The following SP140 variants were observed in gnomAD, a reference collection of about 807,000 sequenced individuals.
The protein encoded by SP140 is nuclear body protein SP140.
A neutral mutation model predicts 125.0 loss-of-function variants in SP140; 81 were observed. The observed-to-expected ratio is 0.65, with a 90% CI of 0.54 to 0.78. SP140 has a LOEUF of 0.78. Ranked by LOEUF, SP140 falls within the 30% of genes least tolerant of loss-of-function variation. SP140 has a pLI of 0.00. For missense variants in SP140, 858 were observed against 1,037.0 expected (o/e 0.83, Z 2.37); for synonymous variants, 312 against 354.0 (o/e 0.88, Z 1.33).
In SP140 at chr2:230,216,802, G is replaced by A. The variant is rs139246977; in HGVS notation, c.-91+2728G>A. The A allele has an allele frequency of 8.1e-6, 13 of 1,613,942 alleles. No individual in the cohort carries two copies. In the African/African-American group the frequency reaches 1.5e-4, roughly 18 times the overall value. On this transcript the variant is annotated intron_variant, in intron 3 of 4. Coordinates refer to the SP140 transcript ENST00000456542. ...TCACCATGTACATTCTCTTAGTGAT[G>A]ATGGAGTTGTCTAGGAGGCCTTCAA...
intron 12 of SP140, among the ~76,000 whole-genome samples, chr2:230,261,452 CTT>C (rs2052219799): frequency 6.6e-6 from 1 of 152,104 alleles, no homozygotes; most frequent in Non-Finnish European, 1.5e-5. Flanking sequence ...ATTTCTTTCT[CTT>C]GTCTGATTGC....
At chr2:230,290,407 G>T in intron 18 of SP140, 53 bp from the exon 19 acceptor site, 3 of 1,500,744 alleles carry the variant, frequency 2.0e-6, no homozygotes, top group Non-Finnish European at 2.8e-6. Context: ...TCAGTAGGGA[G>T]GGGGGACGTG....
chr2:230,243,677 A>T, intron 4 of SP140, 54 bp from the exon 5 acceptor site: 7 of 1,370,142 alleles, frequency 5.1e-6, no homozygotes, highest in Non-Finnish European at 7.2e-6. Context: ...TCTTGTTTTG[A>T]TGGCTTTTTG....
chr2:230,215,665 G>C (rs1300019692), intron 3 of SP140, among the ~76,000 whole-genome samples: 1 of 152,214 alleles, frequency 6.6e-6, no homozygotes, highest in Non-Finnish European at 1.5e-5. Context: ...AGAGAGAACT[G>C]ATTGCAAATA....
At chr2:230,309,844 A>T in intron 22 of SP140, 80 bp from the exon 23 acceptor site, 1 of 1,406,076 alleles carries the variant, frequency 7.1e-7, no homozygotes, top group Non-Finnish European at 1.0e-6. Flanking sequence ...ACACAAAGGC[A>T]GTGTGTTCTA....
intron 15 of SP140, among the ~76,000 whole-genome samples, chr2:230,274,203 T>C (rs2054372297): frequency 6.6e-6 from 1 of 151,908 alleles, no homozygotes; most frequent in African/African-American, 2.4e-5. Flanking sequence ...CCCCATGATA[T>C]ATGCAGGAGA....
At chr2:230,270,777 G>A (rs746809646) in intron 15 of SP140, 138 bp downstream of exon 15, 15 of 800,356 alleles carry the variant, frequency 1.9e-5, no homozygotes, top group Admixed American at 4.1e-5. Flanking sequence ...TCCCTAAGAT[G>A]TCTACCTCCT....
At chr2:230,230,310 C>T (rs988417453) in intron 1 of SP140, 2 of 152,154 alleles carry the variant, frequency 1.3e-5, no homozygotes, top group Non-Finnish European at 2.9e-5. Context: ...GACCTGGTTA[C>T]CAATCCTGTG....
At chr2:230,263,371 C>G (rs181141875) in intron 12 of SP140, among the ~76,000 whole-genome samples, 3 of 152,192 alleles carry the variant, frequency 2.0e-5, no homozygotes, top group Admixed American at 2.0e-4. Flanking sequence ...AGGTGAGTCT[C>G]CTGAAGGCAG....
chr2:230,295,282 A>T lies in SP140; in HGVS notation c.2016+964A>T, dbSNP rs183261057. Among the ~76,000 whole-genome samples the T allele has an allele frequency of 1.2e-3, 179 of 152,326 alleles. 2 individuals are homozygous for T. Among genetic ancestry groups the T allele is most frequent in the African/African-American group, 4.0e-3 (167 of 41,580 alleles). On this transcript the variant is annotated intron_variant, in intron 21 of 26. Coordinates refer to ENST00000392045, the MANE Select transcript of SP140 (RefSeq NM_007237.5). ...CACATAGCTAGCCACTAAGCTTCAT[A>T]TTCCACTGGGAACCTGAGATGCAGG...
intron 1 of SP140, among the ~76,000 whole-genome samples, chr2:230,231,520 C>G (rs2047241453): frequency 6.6e-6 from 1 of 152,152 alleles, no homozygotes; most frequent in African/African-American, 2.4e-5. Flanking sequence ...TCTGAGAACT[C>G]CTTTTTAAAT....
intron 17 of SP140, among the ~76,000 whole-genome samples, chr2:230,287,416 T>C (rs2056524375): frequency 6.6e-6 from 1 of 152,344 alleles, no homozygotes; most frequent in Non-Finnish European, 1.5e-5. Context: ...TGAGAGAAAC[T>C]GAAACGCCTT....
intron 1 of SP140, chr2:230,212,580 T>C: frequency 9.4e-7 from 1 of 1,068,842 alleles, no homozygotes; most frequent in Non-Finnish European, 1.5e-6. Flanking sequence ...TGTTCTGGAC[T>C]CTAGGTCTTA....
chr2:230,204,455 A>G (rs2043534259), intron 1 of SP140, among the ~76,000 whole-genome samples: 1 of 151,526 alleles, frequency 6.6e-6, no homozygotes, highest in African/African-American at 2.4e-5. Context: ...TGTATTGGAA[A>G]TTTCCCTCCA....
chr2:230,274,874 A>G (rs2054485901), intron 15 of SP140, among the ~76,000 whole-genome samples: 1 of 152,172 alleles, frequency 6.6e-6, no homozygotes, highest in Non-Finnish European at 1.5e-5. Context: ...ATATATCTAA[A>G]TGAATACATT....
At chr2:230,275,519 A>G (rs1055321443) in intron 15 of SP140, among the ~76,000 whole-genome samples, 1 of 152,126 alleles carries the variant, frequency 6.6e-6, no homozygotes, top group Non-Finnish European at 1.5e-5. Context: ...AAACCTAATA[A>G]ATGTTGTGTG....
At chr2:230,241,287 G>T in intron 3 of SP140, 117 bp from the exon 4 acceptor site, 1 of 703,098 alleles carries the variant, frequency 1.4e-6, no homozygotes. Context: ...ACAAGGCTCT[G>T]TTGGACCTCG....
chr2:230,269,492 C>G, intron 12 of SP140, 40 bp from the exon 13 acceptor site: 2 of 1,273,626 alleles, frequency 1.6e-6, no homozygotes, highest in Non-Finnish European at 2.3e-6. Flanking sequence ...TGGTCATTGT[C>G]TCAGGATCCT....
At chr2:230,289,016 G>C (rs1447371208) in intron 18 of SP140, among the ~76,000 whole-genome samples, 1 of 152,080 alleles carries the variant, frequency 6.6e-6, no homozygotes, top group African/African-American at 2.4e-5. Flanking sequence ...TGGTATTTCT[G>C]GTTCTAGATC....
Sources: gnomAD v4.1 joint callset for allele counts (sites outside exome capture counted in the v4.1 genomes callset) on GRCh38, gnomAD v4.1.1 for gene constraint, MANE v1.5 for transcripts, NCBI Gene and HGNC (gene_info 2026-07-23, HGNC 2026-07-21) for gene names.